The following GALNT14 variants were observed in gnomAD, a reference collection of about 807,000 sequenced individuals.
The protein encoded by GALNT14 is UDP-GalNAc:polypeptide N-acetylgalactosaminyltransferase 14.
GALNT14 carries 60 observed loss-of-function variants against 77.5 expected under a neutral mutation model. That is an observed-to-expected ratio of 0.77 (90% confidence interval 0.63 to 0.96). GALNT14 has a LOEUF of 0.96. Among genes scored for constraint, GALNT14 ranks in the 40% least tolerant of loss-of-function variants. The probability of loss-of-function intolerance (pLI) is 0.00; values close to 1 mark genes in which losing one functional copy is unlikely to be tolerated. For missense variants in GALNT14, 710 were observed against 731.0 expected (o/e 0.97, Z 0.33); for synonymous variants, 280 against 281.7 (o/e 0.99, Z 0.06).
intron 1 of GALNT14, chr2:31,078,981 G>C (rs1377029378): frequency 1.6e-6 from 2 of 1,289,312 alleles, no homozygotes; most frequent in South Asian, 2.5e-5. Context: ...CTGGGAGGGA[G>C]AGCAGGGGAG....
chr2:30,961,398 G>A (rs1051870524), intron 3 of GALNT14, among the ~76,000 whole-genome samples: 7 of 152,186 alleles, frequency 4.6e-5, no homozygotes, highest in Admixed American at 1.3e-4. Context: ...TTGGGTTCAA[G>A]TACTGTTTCT....
At chr2:30,929,584 A>C in intron 10 of GALNT14, 97 bp from the exon 11 acceptor site, 1 of 841,668 alleles carries the variant, frequency 1.2e-6, no homozygotes, top group Non-Finnish European at 1.9e-6. Flanking sequence ...CTGAGTTGGC[A>C]ACACCACCTA....
At chr2:31,061,922 C>A (rs1037931560) in intron 1 of GALNT14, among the ~76,000 whole-genome samples, 3 of 152,214 alleles carry the variant, frequency 2.0e-5, no homozygotes, top group Non-Finnish European at 1.5e-5. Flanking sequence ...ACCATGAGCA[C>A]TGAATAACCC....
In GALNT14 at chr2:31,004,578, A is replaced by G. The variant is rs377304179; in HGVS notation, c.130-11571T>C. ...GGTCTGCAAGGGTGAGGCTGCAGCC[A>G]TCTCTCAGAGACAGCAATATCAGAG... On this transcript the variant is annotated intron_variant, in intron 1 of 14. Coordinates refer to ENST00000349752, the MANE Select transcript of GALNT14 (RefSeq NM_024572.4). Among the ~76,000 whole-genome samples the G allele has an allele frequency of 2.3e-3, 349 of 152,298 alleles. 15 individuals are homozygous for G. The South Asian group carries it at 0.053, about 23-fold the overall frequency.
At chr2:31,020,177 A>G (rs1262250905) in intron 1 of GALNT14, among the ~76,000 whole-genome samples, 1 of 152,206 alleles carries the variant, frequency 6.6e-6, no homozygotes, top group Non-Finnish European at 1.5e-5. Flanking sequence ...TTTTGCAGCT[A>G]TCACACAGGA....
chr2:30,949,896 G>C (rs184249499), intron 6 of GALNT14, among the ~76,000 whole-genome samples: 156 of 152,248 alleles, frequency 1.0e-3, no homozygotes, highest in Non-Finnish European at 1.3e-3. Context: ...GGGAGGGGTG[G>C]GGAACACAGG....
At chr2:31,135,565 A>G (rs1679191630) in intron 1 of GALNT14, among the ~76,000 whole-genome samples, 1 of 152,204 alleles carries the variant, frequency 6.6e-6, no homozygotes, top group Non-Finnish European at 1.5e-5. Context: ...AAGATTTTCT[A>G]AGTCTATAAA....
At chr2:30,900,203 C>G in the GALNT14 span, among the ~76,000 whole-genome samples, 2 of 152,146 alleles carry the variant, frequency 1.3e-5, no homozygotes, top group Non-Finnish European at 2.9e-5. Context: ...CAGGGCTTCC[C>G]CTCAACCCTT....
chr2:30,910,774 G>C lies in GALNT14; in HGVS notation c.*127C>G, dbSNP rs926554107. ...TGAGACAGTTGCTCCTGTCCTGGGG[G>C]GCTCTGCCTCCACCTCCCAGTCCAG... On this transcript the variant is annotated 3_prime_UTR_variant, in exon 15 of 15. Coordinates refer to ENST00000349752, the MANE Select transcript of GALNT14 (RefSeq NM_024572.4). 5 of 959,436 alleles carry C rather than the reference G, an allele frequency of 5.2e-6. No individual in the cohort carries two copies. The African/African-American group carries it at 8.2e-5, about 16-fold the overall frequency. The allele number at this position is 959,436 out of a possible 1,614,324, so 59.4% of individuals were successfully genotyped here. A position where few individuals can be genotyped will look rare whatever the true frequency, so the allele number is the denominator to read the frequency against.
At chr2:31,013,492 C>T (rs141933489) in intron 1 of GALNT14, among the ~76,000 whole-genome samples, 13 of 152,324 alleles carry the variant, frequency 8.5e-5, no homozygotes, top group Admixed American at 8.5e-4. Flanking sequence ...CCCGCGGCAG[C>T]TTTCCATGTC....
At chr2:31,126,417 T>C (rs13390062) in intron 1 of GALNT14, among the ~76,000 whole-genome samples, 10,624 of 152,174 alleles carry the variant, frequency 0.07, 800 homozygotes, top group African/African-American at 0.18. Flanking sequence ...CCTGGCTTAC[T>C]TATAAACAGC....
the GALNT14 span, among the ~76,000 whole-genome samples, chr2:30,891,827 G>A: frequency 1.3e-5 from 2 of 152,056 alleles, no homozygotes; most frequent in African/African-American, 4.8e-5. Context: ...CCAGTGTCAA[G>A]AGGCTTTGGT....
the GALNT14 span, among the ~76,000 whole-genome samples, chr2:30,890,574 T>C: frequency 2.5e-4 from 37 of 150,866 alleles, 1 homozygote; most frequent in Admixed American, 2.2e-3. Flanking sequence ...AGTACTTGTA[T>C]TGTAATAATA....
At chr2:31,084,572 G>C (rs1291625493) in intron 1 of GALNT14, among the ~76,000 whole-genome samples, 2 of 152,154 alleles carry the variant, frequency 1.3e-5, no homozygotes, top group Non-Finnish European at 2.9e-5. Flanking sequence ...TGGAAACACT[G>C]CTAAGGGAAG....
At chr2:30,912,430 A>G in intron 13 of GALNT14, 88 bp from the exon 14 acceptor site, 1 of 1,474,052 alleles carries the variant, frequency 6.8e-7, no homozygotes, top group South Asian at 1.3e-5. Flanking sequence ...TGTGATTAGC[A>G]CAGGCTGGTA....
At chr2:31,075,523 G>A (rs1675716849) in intron 1 of GALNT14, among the ~76,000 whole-genome samples, 1 of 152,168 alleles carries the variant, frequency 6.6e-6, no homozygotes, top group African/African-American at 2.4e-5. Flanking sequence ...GATGCAGAAT[G>A]TGTGTCACAG....
chr2:31,100,614 T>A (rs891056714), intron 1 of GALNT14, among the ~76,000 whole-genome samples: 1 of 151,946 alleles, frequency 6.6e-6, no homozygotes, highest in Non-Finnish European at 1.5e-5. Context: ...ATAGCATAGA[T>A]CCTTGTTCTT....
intron 1 of GALNT14, among the ~76,000 whole-genome samples, chr2:31,119,151 A>G (rs1274889257): frequency 6.6e-6 from 1 of 152,206 alleles, no homozygotes; most frequent in African/African-American, 2.4e-5. Context: ...TGTACAATCT[A>G]GGACTTACGA....
chr2:31,049,076 G>A (rs1862984), intron 1 of GALNT14, among the ~76,000 whole-genome samples: 113,516 of 152,134 alleles, frequency 0.75, 42,619 homozygotes, highest in East Asian at 0.99. Flanking sequence ...CAAGTCCCTC[G>A]AGGTCCCGTA....
Sources: allele counts gnomAD v4.1 joint callset (sites outside exome capture counted in the v4.1 genomes callset), GRCh38; gene constraint gnomAD v4.1.1; transcripts MANE v1.5; gene names NCBI Gene and HGNC (gene_info 2026-07-23, HGNC 2026-07-21).